The following VWA8 variants were observed in gnomAD, a reference collection of about 807,000 sequenced individuals.
VWA8 encodes the protein von Willebrand factor A domain-containing protein 8.
VWA8 carries 221 observed loss-of-function variants against 241.5 expected under a neutral mutation model. The observed-to-expected ratio is 0.91, with a 90% CI of 0.82 to 1.02. VWA8 has a LOEUF of 1.02. VWA8 is among the 50% of genes least tolerant of loss of function. The pLI, the probability that VWA8 is intolerant of heterozygous loss-of-function variation, is 0.00. For missense variants in VWA8, 2,322 were observed against 2,328.7 expected (o/e 1.00, Z 0.06); for synonymous variants, 852 against 827.1 (o/e 1.03, Z -0.52).
intron 12 of VWA8, among the ~76,000 whole-genome samples, chr13:41,852,499 A>C (rs1317977012): frequency 6.6e-6 from 1 of 152,066 alleles, no homozygotes; most frequent in Admixed American, 6.6e-5. Context: ...TTGGCTGCCT[A>C]TGCTTTTGGT....
rs541083913 is a variant in VWA8, at chr13:41,787,769, A to G, written c.2064-226T>C. Among the ~76,000 whole-genome samples, 60 of 152,328 alleles carry G rather than the reference A, an allele frequency of 3.9e-4. No individual in the cohort carries two copies. In the South Asian group the frequency reaches 0.012, roughly 30 times the overall value. On this transcript the variant is annotated intron_variant, in intron 17 of 44. Coordinates refer to ENST00000379310, the MANE Select transcript of VWA8 (RefSeq NM_015058.2). Reference sequence around the variant, plus strand: ...GTTTGTGGAATCTCCTTTAATAAGTAAAACTTATTTGTAATTAGCAGTACT... The same window carrying G: ...GTTTGTGGAATCTCCTTTAATAAGTGAAACTTATTTGTAATTAGCAGTACT...
intron 2 of VWA8, among the ~76,000 whole-genome samples, chr13:41,946,724 G>C (rs780437840): frequency 6.6e-6 from 1 of 151,992 alleles, no homozygotes; most frequent in East Asian, 1.9e-4. Flanking sequence ...AGGCATTTAG[G>C]GGGTAGAGTC....
At chr13:41,587,834 A>C (rs1201287832) in intron 41 of VWA8, among the ~76,000 whole-genome samples, 164 bp from the exon 42 acceptor site, 15 of 152,224 alleles carry the variant, frequency 9.9e-5, no homozygotes, top group Admixed American at 9.8e-4. Context: ...CAAGGCATCT[A>C]TGGGTTGTAC....
chr13:41,801,609 T>C (rs1270603396), intron 17 of VWA8, among the ~76,000 whole-genome samples: 1 of 152,232 alleles, frequency 6.6e-6, no homozygotes, highest in Non-Finnish European at 1.5e-5. Flanking sequence ...TAAAATAGCT[T>C]CATGTAAATT....
intron 7 of VWA8, 115 bp downstream of exon 7, chr13:41,886,666 A>G: frequency 1.1e-6 from 1 of 900,690 alleles, no homozygotes; most frequent in Non-Finnish European, 1.7e-6. Flanking sequence ...TAATACTGAA[A>G]AATTCTTATA....
chr13:41,778,123 A>AGTTCTAGATCCCTG, intron 19 of VWA8, 67 bp from the exon 20 acceptor site: 2 of 1,151,816 alleles, frequency 1.7e-6, no homozygotes, highest in Non-Finnish European at 2.5e-6. Context: ...AGTTAACTAT[A>AGTTCTAGATCCCTG]AAGATATCTT....
intron 12 of VWA8, among the ~76,000 whole-genome samples, chr13:41,850,496 C>T (rs1393040129): frequency 6.6e-6 from 1 of 152,130 alleles, no homozygotes; most frequent in Non-Finnish European, 1.5e-5. Flanking sequence ...CAAGGTCTGC[C>T]ATAGCACTAT....
At position 41,865,792 on chromosome 13, in the gene VWA8, C is replaced by G. The variant is rs186939342; in HGVS notation, c.1369G>C (p.Ala457Pro). The change falls in exon 12 of 45, where the codon GCT becomes CCT. Residue 457 changes from alanine to proline, a missense_variant. Transcript: ENST00000379310. ...GGKGCGKTVIAKNFADTLGYN... is the reference protein window; with the variant it reads ...GGKGCGKTVIPKNFADTLGYN... ...CCTAAGGTATCGGCAAAGTTCTTAGCGATCACTGTTTTTCCACAACCCTAC... is the reference window on the plus strand; with the variant it reads ...CCTAAGGTATCGGCAAAGTTCTTAGGGATCACTGTTTTTCCACAACCCTAC... The G allele has an allele frequency of 6.2e-7, 1 of 1,613,922 alleles. No homozygotes were observed. Among genetic ancestry groups the G allele is most frequent in the Non-Finnish European group, 8.5e-7 (1 of 1,180,014 alleles).
intron 37 of VWA8, among the ~76,000 whole-genome samples, chr13:41,643,122 C>T (rs932566927): frequency 7.9e-5 from 12 of 152,154 alleles, no homozygotes; most frequent in Non-Finnish European, 1.8e-4. Flanking sequence ...TGCTGCTCAG[C>T]CTCAAGTTAA....
At chr13:41,833,708 G>C (rs1235039111) in intron 12 of VWA8, among the ~76,000 whole-genome samples, 177 bp from the exon 13 acceptor site, 3 of 151,872 alleles carry the variant, frequency 2.0e-5, no homozygotes, top group African/African-American at 4.8e-5. Context: ...GCTTTTTTTT[G>C]GTCATTTTAG....
At chr13:41,873,164 C>G (rs1873723013) in intron 9 of VWA8, among the ~76,000 whole-genome samples, 1 of 152,086 alleles carries the variant, frequency 6.6e-6, no homozygotes, top group Admixed American at 6.6e-5. Flanking sequence ...ACCAGAATCT[C>G]TGGGACACAT....
intron 4 of VWA8, among the ~76,000 whole-genome samples, chr13:41,893,667 C>G (rs753029224): frequency 6.6e-6 from 1 of 152,084 alleles, no homozygotes; most frequent in Non-Finnish European, 1.5e-5. Flanking sequence ...GGGTGGATCA[C>G]AAGGTCAGAA....
At chr13:41,777,944 A>C in intron 20 of VWA8, 41 bp downstream of exon 20, 2 of 1,487,808 alleles carry the variant, frequency 1.3e-6, no homozygotes, top group Non-Finnish European at 1.8e-6. Flanking sequence ...AATTGTTACT[A>C]TCATTTTTTC....
chr13:41,827,203 G>A (rs985403678), intron 14 of VWA8, among the ~76,000 whole-genome samples: 5 of 152,156 alleles, frequency 3.3e-5, no homozygotes, highest in Admixed American at 1.3e-4. Flanking sequence ...GCTTAAGTGG[G>A]TACAGCTCTT....
chr13:41,721,346 G>A (rs2045388457), intron 25 of VWA8, 24 bp downstream of exon 25: 1 of 1,607,872 alleles, frequency 6.2e-7, no homozygotes, highest in South Asian at 1.1e-5. Context: ...ATGGCTCTTA[G>A]GTACAGGTGT....
At chr13:41,730,434 C>A (rs1290338305) in intron 22 of VWA8, among the ~76,000 whole-genome samples, 2 of 151,064 alleles carry the variant, frequency 1.3e-5, no homozygotes, top group Non-Finnish European at 3.0e-5. Context: ...AATCTGGTGA[C>A]AATATGCGGA....
At chr13:41,654,064 A>G (rs2044885486) in intron 37 of VWA8, among the ~76,000 whole-genome samples, 1 of 152,178 alleles carries the variant, frequency 6.6e-6, no homozygotes, top group Non-Finnish European at 1.5e-5. Context: ...CATAAAAACA[A>G]ACACACACAC....
At chr13:41,851,141 C>G (rs962869052) in intron 12 of VWA8, among the ~76,000 whole-genome samples, 1 of 152,100 alleles carries the variant, frequency 6.6e-6, no homozygotes, top group Non-Finnish European at 1.5e-5. Flanking sequence ...TTAACTGAAA[C>G]TTTGTACCCT....
chr13:41,885,678 T>C (rs1874492328), intron 8 of VWA8, among the ~76,000 whole-genome samples: 1 of 152,210 alleles, frequency 6.6e-6, no homozygotes, highest in South Asian at 2.1e-4. Context: ...TCCTTCCCTC[T>C]GTAGAACTTT....
Sources: allele counts gnomAD v4.1 joint callset (sites outside exome capture counted in the v4.1 genomes callset), GRCh38; gene constraint gnomAD v4.1.1; transcripts MANE v1.5; gene names NCBI Gene and HGNC (gene_info 2026-07-23, HGNC 2026-07-21).